Variants in RBFOX1 observed in about 807,000 individuals in gnomAD.
RBFOX1 encodes RNA binding protein fox-1 homolog 1.
Under a neutral mutation model 57.7 loss-of-function variants are expected in RBFOX1, and 8 were observed. The observed-to-expected ratio is 0.14, with a 90% CI of 0.08 to 0.25. The LOEUF (loss-of-function observed/expected upper bound fraction) is 0.25. Ranked by LOEUF, RBFOX1 falls within the 10% of genes least tolerant of loss-of-function variation. RBFOX1 has a pLI of 1.00. For synonymous variants in RBFOX1, 326 were observed against 222.4 expected (o/e 1.47, Z -4.15); for missense variants, 611 against 548.5 (o/e 1.11, Z -1.14).
At chr16:6,668,071 C>G (rs140266200) in intron 3 of RBFOX1, among the ~76,000 whole-genome samples, 1 of 152,266 alleles carries the variant, frequency 6.6e-6, no homozygotes, top group African/African-American at 2.4e-5. Context: ...AAACTGGATA[C>G]CAAACCCTCA....
intron 1 of RBFOX1, among the ~76,000 whole-genome samples, chr16:5,434,645 TA>T (rs1283609791): frequency 1.3e-5 from 2 of 152,130 alleles, no homozygotes; most frequent in African/African-American, 4.8e-5. Context: ...TTCGTGCCTC[TA>T]AATTGTGTGC....
intron 4 of RBFOX1, among the ~76,000 whole-genome samples, chr16:7,182,009 A>T (rs2082813924): frequency 6.6e-6 from 1 of 152,206 alleles, no homozygotes; most frequent in South Asian, 2.1e-4. Context: ...CACTGATTCC[A>T]CCAATCTAAT....
chr16:6,652,127 G>A (rs1008692760), intron 2 of RBFOX1, among the ~76,000 whole-genome samples: 2 of 152,104 alleles, frequency 1.3e-5, no homozygotes, highest in Non-Finnish European at 2.9e-5. Context: ...TAAGGGTGGG[G>A]TCTTAATCCA....
intron 3 of RBFOX1, among the ~76,000 whole-genome samples, chr16:5,791,405 C>G (rs2164510): frequency 3.9e-5 from 6 of 152,016 alleles, no homozygotes; most frequent in African/African-American, 1.2e-4. Flanking sequence ...TACATGCAAT[C>G]GCTTTTTAAT....
At position 7,413,303 on chromosome 16, in the gene RBFOX1, C is replaced by G. The variant is rs140943766; in HGVS notation, c.28-104844C>G. Among the ~76,000 whole-genome samples, 892 of 152,214 alleles carry G rather than the reference C, an allele frequency of 5.9e-3. 10 individuals carry two copies. The highest frequency in any genetic ancestry group is 0.01 in the Non-Finnish European group (690 of 68,002). ...AAACCATTCCTCTCCCCTGGCCACC[C>G]TCCTGCATCTGACCCCCTGCCTCCC... On this transcript the variant is annotated intron_variant, in intron 4 of 15. Transcript: ENST00000550418.
At chr16:7,511,062 C>G (rs1600468246) in intron 4 of RBFOX1, among the ~76,000 whole-genome samples, 1 of 152,178 alleles carries the variant, frequency 6.6e-6, no homozygotes, top group African/African-American at 2.4e-5. Context: ...TGTGCACACA[C>G]ACATACCCAC....
chr16:7,080,955 A>T (rs1433290308), intron 4 of RBFOX1, among the ~76,000 whole-genome samples: 1 of 152,164 alleles, frequency 6.6e-6, no homozygotes, highest in Non-Finnish European at 1.5e-5. Flanking sequence ...CACCTTTAGT[A>T]ACTAAAGCTC....
intron 5 of RBFOX1, among the ~76,000 whole-genome samples, chr16:7,538,613 G>A (rs919266924): frequency 3.3e-5 from 5 of 152,144 alleles, no homozygotes; most frequent in Admixed American, 6.5e-5. Context: ...AATAAACAAT[G>A]TAACTAAATA....
intron 2 of RBFOX1, among the ~76,000 whole-genome samples, chr16:5,565,835 T>C (rs567228073): frequency 6.6e-6 from 1 of 151,882 alleles, no homozygotes; most frequent in African/African-American, 2.4e-5. Context: ...TAAGGGTAGG[T>C]GGGTGATATG....
chr16:5,817,761 CTG>C (rs2055694969), intron 3 of RBFOX1, among the ~76,000 whole-genome samples: 1 of 149,420 alleles, frequency 6.7e-6, no homozygotes, highest in Non-Finnish European at 1.5e-5. Flanking sequence ...GTGGCGCAGT[CTG>C]GGCTCACTGC....
At chr16:6,998,895 G>T (rs1004119545) in intron 3 of RBFOX1, among the ~76,000 whole-genome samples, 1 of 151,578 alleles carries the variant, frequency 6.6e-6, no homozygotes, top group African/African-American at 2.4e-5. Context: ...TTGCGACTGA[G>T]TTTCACTCTA....
intron 4 of RBFOX1, among the ~76,000 whole-genome samples, chr16:7,187,301 G>A (rs1403731001): frequency 6.6e-6 from 1 of 152,074 alleles, no homozygotes; most frequent in Non-Finnish European, 1.5e-5. Flanking sequence ...TTCTTAAAGT[G>A]CATCTGTCCT....
intron 3 of RBFOX1, among the ~76,000 whole-genome samples, chr16:6,884,489 C>G (rs1356600641): frequency 6.6e-6 from 1 of 152,164 alleles, no homozygotes; most frequent in Non-Finnish European, 1.5e-5. Context: ...CTGTTAAGTA[C>G]CTACCATTTG....
intron 4 of RBFOX1, among the ~76,000 whole-genome samples, chr16:7,079,467 C>G (rs895986374): frequency 1.1e-4 from 17 of 152,340 alleles, no homozygotes; most frequent in African/African-American, 3.8e-4. Flanking sequence ...TCATGCAGCA[C>G]AAGCAAGAAT....
chr16:6,510,551 A>G (rs531880446), intron 2 of RBFOX1, among the ~76,000 whole-genome samples: 55 of 152,298 alleles, frequency 3.6e-4, no homozygotes, highest in Admixed American at 6.5e-4. Flanking sequence ...TACCCAAGCA[A>G]TTGGAGTCTG....
At chr16:6,643,155 C>G (rs557314452) in intron 2 of RBFOX1, among the ~76,000 whole-genome samples, 17 of 152,276 alleles carry the variant, frequency 1.1e-4, no homozygotes, top group African/African-American at 3.1e-4. Context: ...TCATTTGAGA[C>G]TTAAATTTTG....
intron 2 of RBFOX1, among the ~76,000 whole-genome samples, chr16:5,492,675 G>T (rs990895235): frequency 6.6e-6 from 1 of 152,196 alleles, no homozygotes; most frequent in Non-Finnish European, 1.5e-5. Context: ...CACAGTGCTT[G>T]TCTTCAGCTT....
chr16:7,373,885 C>G (rs2097629633), intron 4 of RBFOX1, among the ~76,000 whole-genome samples: 1 of 152,184 alleles, frequency 6.6e-6, no homozygotes, highest in Non-Finnish European at 1.5e-5. Context: ...TAGGTACATT[C>G]TCATTCCACT....
intron 5 of RBFOX1, among the ~76,000 whole-genome samples, chr16:7,574,603 T>A (rs12596392): frequency 6.6e-6 from 1 of 151,984 alleles, no homozygotes; most frequent in East Asian, 1.9e-4. Context: ...GCCAGTCTAG[T>A]CTTTGCATGT....
Sources: gnomAD v4.1 joint callset for allele counts (sites outside exome capture counted in the v4.1 genomes callset) on GRCh38, gnomAD v4.1.1 for gene constraint, MANE v1.5 for transcripts, NCBI Gene and HGNC (gene_info 2026-07-23, HGNC 2026-07-21) for gene names.